Variants in NHLRC3 observed in about 807,000 individuals in gnomAD.
NHLRC3 encodes the protein NHL repeat containing 3.
In NHLRC3, 23 loss-of-function variants were observed where a neutral mutation model predicts 32.0. The ratio of observed to expected loss-of-function variants is 0.72; its 90% CI spans 0.52 to 1.02. The LOEUF is 1.02. Among genes scored for constraint, NHLRC3 ranks in the 50% least tolerant of loss-of-function variants. NHLRC3 has a pLI of 0.00. For missense variants in NHLRC3, 407 were observed against 406.8 expected (o/e 1.00, Z -0.01); for synonymous variants, 159 against 147.9 (o/e 1.08, Z -0.55).
Position 39,044,235 on chromosome 13 carries a change from GTGTGTGTGTGTGTGT to G in NHLRC3, c.678+55_678+69del, listed in dbSNP as rs1566033893. 1.8e-5 allele frequency: 14 copies of G among 761,398 alleles called. No homozygotes were observed. The African/African-American group carries it at 1.9e-4, about 10-fold the overall frequency. 47.2% of individuals were successfully genotyped at this position (761,398 alleles called of 1,614,324 possible). ...ACTTTGTGTCTGAATATGTTTGTGT[GTGTGTGTGTGTGTGT>G]GTGTGTGTGTGTGTGTGTCTGGGCA... On this transcript the variant is annotated intron_variant, in intron 5 of 6. Coordinates refer to ENST00000379600, the MANE Select transcript of NHLRC3 (RefSeq NM_001012754.4).
rs41286949 is a variant in NHLRC3 at position 39,047,127 on chromosome 13, A to G, written c.766A>G (p.Thr256Ala). 3.6e-3 allele frequency: 5,723 copies of G among 1,606,234 alleles called. 17 individuals are homozygous for G. Among genetic ancestry groups the G allele is most frequent in the Non-Finnish European group, 4.3e-3 (5,071 of 1,173,872 alleles). The change falls in exon 6 of 7, where the codon ACA becomes GCA. Residue 256 changes from threonine (T) to alanine (A), a missense_variant. Coordinates refer to ENST00000379600, the MANE Select transcript of NHLRC3 (RefSeq NM_001012754.4). ...GTTAGGAGCATGGAATAATTGTTTCACAGAAGAGGGACCTTCTTCAGTCAG... is the reference window on the plus strand; with the variant it reads ...GTTAGGAGCATGGAATAATTGTTTCGCAGAAGAGGGACCTTCTTCAGTCAG... ...EWLGAWNNCF[T>A]EEGPSSVRFT...
rs1276461329 is a variant in NHLRC3, at chr13:39,038,636, G to T, written c.-4G>T. On this transcript the variant is annotated 5_prime_UTR_variant, in exon 1 of 7. Coordinates refer to ENST00000379600, the MANE Select transcript of NHLRC3 (RefSeq NM_001012754.4). ...CCCTCCCTCTCCTGGCTTCCCGTCT[G>T]GTCATGGCGAGATTCTGGGTCTGCG... 8.7e-6 allele frequency: 14 copies of T among 1,613,852 alleles called. No individual in the cohort carries two copies. Among genetic ancestry groups the T allele is most frequent in the Non-Finnish European group, 1.1e-5 (13 of 1,179,824 alleles).
Position 39,047,086 on chromosome 13 carries a change from A to C in NHLRC3, c.725A>C (p.Lys242Thr). The C allele has an allele frequency of 6.2e-7, 1 of 1,613,438 alleles. No individual in the cohort carries two copies. Among genetic ancestry groups the C allele is most frequent in the East Asian group, 2.2e-5 (1 of 44,856 alleles). The change falls in exon 6 of 7, where the codon AAA (lysine) becomes ACA (threonine). Residue 242 changes from lysine to threonine, a missense_variant. Transcript: ENST00000379600. ...RGNKRIQVFD[K>T]DTGEWLGAWN... Reference sequence around the variant, plus strand: ...AATAAAAGAATCCAAGTATTTGATAAAGACACTGGGGAGTGGTTAGGAGCA... The same window carrying C: ...AATAAAAGAATCCAAGTATTTGATACAGACACTGGGGAGTGGTTAGGAGCA...
intron 5 of NHLRC3, among the ~76,000 whole-genome samples, chr13:39,046,713 G>T (rs905907418): frequency 2.0e-5 from 3 of 152,188 alleles, no homozygotes; most frequent in African/African-American, 7.2e-5. Flanking sequence ...AATGAATGTT[G>T]TCAGTTTTCA....
At chr13:39,040,440 A>G (rs1010472720) in intron 3 of NHLRC3, 3 of 152,222 alleles carry the variant, frequency 2.0e-5, no homozygotes, top group Admixed American at 1.3e-4. Flanking sequence ...AAGTGCAAAG[A>G]TTGCAGAAAC....
rs1208295423 is a variant in NHLRC3, at chr13:39,039,121, C to A, written c.85-15C>A. ...AGACGGTAAACTAAATCTGAATTGTCTGATTTTGTTTAAGGTTTTGAGGAA... is the reference window on the plus strand; with the variant it reads ...AGACGGTAAACTAAATCTGAATTGTATGATTTTGTTTAAGGTTTTGAGGAA... On this transcript the variant is annotated splice_polypyrimidine_tract_variant and intron_variant, in intron 1 of 6. Coordinates refer to ENST00000379600, the MANE Select transcript of NHLRC3 (RefSeq NM_001012754.4). 1.5e-6 allele frequency: 2 copies of A among 1,330,582 alleles called. No individual in the cohort carries two copies. The highest frequency in any genetic ancestry group is 9.4e-5 in the East Asian group (2 of 21,294). 82.4% of individuals were successfully genotyped at this position (1,330,582 alleles called of 1,614,324 possible). A position where few individuals can be genotyped will look rare whatever the true frequency, so the allele number is the denominator to read the frequency against.
At chr13:39,042,914 G>A (rs1871518597) in intron 4 of NHLRC3, among the ~76,000 whole-genome samples, 1 of 152,132 alleles carries the variant, frequency 6.6e-6, no homozygotes, top group South Asian at 2.1e-4. Context: ...TGGTCTACAG[G>A]CATTTATTAG....
At chr13:39,041,649 C>T (rs1285219492) in intron 3 of NHLRC3, 1 of 153,582 alleles carries the variant, frequency 6.5e-6, no homozygotes, top group East Asian at 1.9e-4. Flanking sequence ...AAAATCTGTA[C>T]CATAGAGAAC....
At chr13:39,038,803 G>C in intron 1 of NHLRC3, 80 bp downstream of exon 1, 3 of 1,180,924 alleles carry the variant, frequency 2.5e-6, no homozygotes, top group Non-Finnish European at 3.8e-6. Context: ...GTGGCATGGA[G>C]GTGGCAGGCC....
chr13:39,045,587 T>C (rs1180543657), intron 5 of NHLRC3, among the ~76,000 whole-genome samples: 2 of 152,160 alleles, frequency 1.3e-5, no homozygotes, highest in Non-Finnish European at 2.9e-5. Context: ...TAAACAGGAG[T>C]TCCCATAATC....
Position 39,049,327 on chromosome 13 carries a change from G to C in NHLRC3, c.*1401G>C, listed in dbSNP as rs952285043. On this transcript the variant is annotated 3_prime_UTR_variant, in exon 7 of 7. Coordinates refer to ENST00000379600, the MANE Select transcript of NHLRC3 (RefSeq NM_001012754.4). ...AGGAAGGTAAATCTACCAACAGGAA[G>C]CCCTGTACTCTGTATTCCAAGGCCA... 8 of 152,250 alleles carry C rather than the reference G, an allele frequency of 5.3e-5. No individual in the cohort carries two copies. The highest frequency in any genetic ancestry group is 2.9e-5 in the Non-Finnish European group (2 of 68,036). The allele number at this position is 152,250 out of a possible 1,614,324, so 9.4% of individuals were successfully genotyped here. A position where few individuals can be genotyped will look rare whatever the true frequency, so the allele number is the denominator to read the frequency against.
Position 39,044,098 on chromosome 13 carries a change from A to G in NHLRC3, c.595A>G (p.Ile199Val). 1 of 1,610,982 alleles carries G rather than the reference A, an allele frequency of 6.2e-7. No homozygotes were observed. Residue 199 changes from isoleucine to valine, a missense_variant, in exon 5 of 7, where the codon ATC becomes GTC. By Grantham distance (29) the Ile-to-Val change is conservative (BLOSUM62 3). Coordinates refer to ENST00000379600, the MANE Select transcript of NHLRC3 (RefSeq NM_001012754.4). ...ATTTTTACCGTTTATAGATTTCATG[A>G]TCCTTTGGCTGCATGGAGAAAATGG... ...RLIKLSQDFM[I>V]LWLHGENGTG...
Position 39,039,641 on chromosome 13 carries a change from C to G in NHLRC3, c.315C>G (p.Asp105Glu). ...TACGAGCCTGGAATTATACAGTTGA[C>G]ACACCTCATGGTATATTTGCAGCCA... ...YFLRAWNYTV[D>E]TPHGIFAAST... is the part of the protein sequence containing the mutation. The change falls in exon 3 of 7, where the codon GAC becomes GAG. Residue 105 changes from aspartate to glutamate, a missense_variant. Coordinates refer to ENST00000379600, the MANE Select transcript of NHLRC3 (RefSeq NM_001012754.4). The G allele has an allele frequency of 6.2e-7, 1 of 1,612,024 alleles. No individual in the cohort carries two copies. The highest frequency in any genetic ancestry group is 8.5e-7 in the Non-Finnish European group (1 of 1,178,124).
chr13:39,048,055 T>C lies in NHLRC3; in HGVS notation c.*129T>C. On this transcript the variant is annotated 3_prime_UTR_variant, in exon 7 of 7. Transcript: ENST00000379600. ...GATCTAGTATCAGAAAGATTTGTTT[T>C]TGTATCATTAAGAATCTTATATTTT... The C allele has an allele frequency of 2.6e-6, 2 of 780,154 alleles. No homozygotes were observed. 48.3% of individuals were successfully genotyped at this position (780,154 alleles called of 1,614,324 possible). A position where few individuals can be genotyped will look rare whatever the true frequency, so the allele number is the denominator to read the frequency against.
chr13:39,045,394 G>C (rs116301094), intron 5 of NHLRC3, among the ~76,000 whole-genome samples: 1 of 152,162 alleles, frequency 6.6e-6, no homozygotes, highest in Non-Finnish European at 1.5e-5. Flanking sequence ...CTTCTAAAAG[G>C]CCTTGGAAAT....
At chr13:39,043,427 C>G (rs910421208) in intron 4 of NHLRC3, among the ~76,000 whole-genome samples, 3 of 152,130 alleles carry the variant, frequency 2.0e-5, no homozygotes, top group African/African-American at 7.2e-5. Flanking sequence ...TCTGGTGGCT[C>G]AAGCATTCCT....
At chr13:39,042,821 A>T (rs1593551703) in intron 4 of NHLRC3, among the ~76,000 whole-genome samples, 1 of 152,216 alleles carries the variant, frequency 6.6e-6, no homozygotes, top group Non-Finnish European at 1.5e-5. Flanking sequence ...GATATCATGA[A>T]GGAAGTAGTT....
At chr13:39,041,665 TG>T (rs1871470928) in intron 3 of NHLRC3, 1 of 154,814 alleles carries the variant, frequency 6.5e-6, no homozygotes, top group Non-Finnish European at 1.4e-5. Flanking sequence ...AGAACGTTTT[TG>T]TTGACTTACT....
rs11384181 is a variant in NHLRC3 at position 39,049,047 on chromosome 13, CTT to C, written c.*1135_*1136del. 8.4e-5 allele frequency: 12 copies of C among 142,578 alleles called. No individual in the cohort carries two copies. Among genetic ancestry groups the C allele is most frequent in the Admixed American group, 1.4e-4 (2 of 14,240 alleles). 8.8% of individuals were successfully genotyped at this position (142,578 alleles called of 1,614,324 possible). ...TGAATATTGGCTTCCCAATTAAGAC[CTT>C]TTTTTTTTTTTTTCCAGTTTGTTTT... On this transcript the variant is annotated 3_prime_UTR_variant, in exon 7 of 7. Coordinates refer to ENST00000379600, the MANE Select transcript of NHLRC3 (RefSeq NM_001012754.4).
Sources: gnomAD v4.1 joint callset for allele counts (sites outside exome capture counted in the v4.1 genomes callset) on GRCh38, gnomAD v4.1.1 for gene constraint, MANE v1.5 for transcripts, NCBI Gene and HGNC (gene_info 2026-07-23, HGNC 2026-07-21) for gene names.